Variants in HDAC4 observed in about 807,000 individuals in gnomAD.
HDAC4 encodes histone deacetylase A.
Under a neutral mutation model 135.1 loss-of-function variants are expected in HDAC4, and 16 were observed. The observed-to-expected ratio is 0.12, with a 90% confidence interval of 0.08 to 0.18. The LOEUF (loss-of-function observed/expected upper bound fraction) is 0.18, where lower values mean the gene tolerates loss of function less well. HDAC4 is among the 10% of genes least tolerant of loss of function. The pLI is 1.00. For missense variants in HDAC4, 1,143 were observed against 1,511.8 expected, an observed-to-expected ratio of 0.76 and a Z score of 4.05; for synonymous variants, 685 against 653.4, an observed-to-expected ratio of 1.05 and a Z score of -0.74.
Position 239,054,828 on chromosome 2 carries a change from A to G in HDAC4, c.3009T>C (p.Asp1003=), listed in dbSNP as rs1201937186. ...GCTGTAAAACCTTTTCTGGGAGAGG[A>G]TCAAGCTGGAAGAAAATGCATAAGA... ...CVSALLGNEL[D]PLPEKVLQQR... Residue 1003 remains aspartate (D), a synonymous_variant, in exon 25 of 27, where the codon GAT becomes GAC. Coordinates refer to ENST00000543185, the MANE Select transcript of HDAC4 (RefSeq NM_001378414.1). The G allele has an allele frequency of 6.2e-7, 1 of 1,607,438 alleles. No homozygotes were observed. Among genetic ancestry groups the G allele is most frequent in the African/African-American group, 1.3e-5 (1 of 74,760 alleles).
At chr2:239,188,454 C>T (rs1212408950) in intron 4 of HDAC4, among the ~76,000 whole-genome samples, 1 of 152,226 alleles carries the variant, frequency 6.6e-6, no homozygotes, top group Non-Finnish European at 1.5e-5. Context: ...TAGGTGGGCA[C>T]ACTAATATCT....
intron 2 of HDAC4, among the ~76,000 whole-genome samples, chr2:239,325,450 C>A (rs1354105727): frequency 6.6e-6 from 1 of 152,120 alleles, no homozygotes; most frequent in Non-Finnish European, 1.5e-5. Flanking sequence ...TGCCAACGGC[C>A]AATAGGTACA....
chr2:239,091,937 G>C (rs1424205653), intron 17 of HDAC4: 2 of 152,182 alleles, frequency 1.3e-5, no homozygotes, highest in African/African-American at 2.4e-5. Context: ...CAGGTGCCGT[G>C]GTGGGCGCCT....
chr2:239,151,480 C>T lies in HDAC4; in HGVS notation c.733+5172G>A, dbSNP rs547488281. Among the ~76,000 whole-genome samples, 189 of 152,064 alleles carry T rather than the reference C, an allele frequency of 1.2e-3. 2 individuals carry two copies. The highest frequency in any genetic ancestry group is 4.1e-3 in the African/African-American group (171 of 41,310). On this transcript the variant is annotated intron_variant, in intron 7 of 26. Transcript: ENST00000543185. The stretch of plus-strand genomic sequence containing the variant: ...TGGATGGATGTTTCCCATGGGCAGC[C>T]GTGACCTTGAGTGACTGGTTTCAGA...
At chr2:239,161,793 C>A (rs1271377181) in intron 6 of HDAC4, 1 of 425,196 alleles carries the variant, frequency 2.4e-6, no homozygotes, top group Non-Finnish European at 4.7e-6. Flanking sequence ...AGTCAGTCCT[C>A]CCAGCCCCAG....
intron 1 of HDAC4, among the ~76,000 whole-genome samples, chr2:239,369,962 C>T (rs754482677): frequency 3.3e-5 from 5 of 152,196 alleles, no homozygotes; most frequent in Non-Finnish European, 7.3e-5. Flanking sequence ...ATCATAGGAC[C>T]GCCACATCCT....
At position 239,176,491 on chromosome 2, in the gene HDAC4, G is replaced by A. The variant is rs745953691; in HGVS notation, c.412C>T (p.Arg138Cys). 16 of 1,613,302 alleles carry A rather than the reference G, an allele frequency of 9.9e-6. No homozygotes were observed. The highest frequency in any genetic ancestry group is 1.6e-4 in the Middle Eastern group (1 of 6,074). The change falls in exon 5 of 27, where the codon CGC becomes TGC. Residue 138 changes from arginine to cysteine, a missense_variant. Arg to Cys is a radical substitution (Grantham distance 180, BLOSUM62 -3). Coordinates refer to ENST00000543185, the MANE Select transcript of HDAC4 (RefSeq NM_001378414.1). Reference protein sequence around the residue: ...LEHQRKLERHRQEQELEKQHR... With the variant: ...LEHQRKLERHCQEQELEKQHR... ...TGCTTCTCCAGCTCCTGCTCCTGGC[G>A]GTGCCTCTCCAGCTTCCGCTGGTGT...
intron 5 of HDAC4, among the ~76,000 whole-genome samples, chr2:239,168,650 G>A (rs943530570): frequency 1.3e-5 from 2 of 152,154 alleles, no homozygotes; most frequent in African/African-American, 2.4e-5. Context: ...CCCCGCGCCG[G>A]CCCGCCACTG....
chr2:239,380,334 T>G (rs1695328195), intron 1 of HDAC4, among the ~76,000 whole-genome samples: 1 of 83,878 alleles, frequency 1.2e-5, no homozygotes, highest in Non-Finnish European at 2.6e-5. Context: ...ACATTTACAT[T>G]AAATTATACA....
At chr2:239,060,356 G>T (rs1228178390) in intron 24 of HDAC4, among the ~76,000 whole-genome samples, 2 of 152,208 alleles carry the variant, frequency 1.3e-5, no homozygotes, top group Admixed American at 6.5e-5. Flanking sequence ...TCACACCACC[G>T]CTCTCTCCTT....
rs1227610996 is a variant in HDAC4 at position 239,282,895 on chromosome 2, A to G, written c.23-46231T>C. On this transcript the variant is annotated intron_variant, in intron 2 of 26. Coordinates refer to ENST00000543185, the MANE Select transcript of HDAC4 (RefSeq NM_001378414.1). ...CTCTCCATGTACATACCACTCTACA[A>G]TGAACACACCACTCTACACACAATG... Among the ~76,000 whole-genome samples the G allele has an allele frequency of 2.0e-5, 3 of 149,994 alleles. No individual in the cohort carries two copies. The East Asian group carries it at 6.0e-4, about 30-fold the overall frequency.
chr2:239,180,231 A>G (rs1010844919), intron 4 of HDAC4, among the ~76,000 whole-genome samples: 5 of 152,088 alleles, frequency 3.3e-5, no homozygotes, highest in African/African-American at 1.2e-4. Context: ...GGCACCCAGC[A>G]CACACACCTT....
At position 239,198,215 on chromosome 2, in the gene HDAC4, GCCTGGTTGCC is replaced by G. The variant is rs376295523; in HGVS notation, c.95-8148_95-8139del. ...TCCCTGCAAAAGCCTCCCCTCAGGT[GCCTGGTTGCC>G]CCTGGTTATGTGTTGCCGAGTGTGA... On this transcript the variant is annotated intron_variant, in intron 3 of 26. Transcript: ENST00000543185. Among the ~76,000 whole-genome samples, 628 of 152,296 alleles carry G rather than the reference GCCTGGTTGCC, an allele frequency of 4.1e-3. 4 individuals carry two copies. The highest frequency in any genetic ancestry group is 0.015 in the African/African-American group (612 of 41,550).
chr2:239,335,508 CAA>C (rs61007856), intron 2 of HDAC4, among the ~76,000 whole-genome samples: 2,785 of 59,418 alleles, frequency 0.047, 42 homozygotes, highest in African/African-American at 0.12. Context: ...ATCTGTTCAG[CAA>C]AAAAAAAAAA....
intron 7 of HDAC4, among the ~76,000 whole-genome samples, chr2:239,148,005 G>A (rs992045987): frequency 3.9e-5 from 6 of 152,232 alleles, no homozygotes; most frequent in African/African-American, 1.4e-4. Flanking sequence ...GTTTACAGAG[G>A]GGACAGGCGT....
At chr2:239,233,628 G>A (rs2047724348) in intron 3 of HDAC4, among the ~76,000 whole-genome samples, 1 of 152,190 alleles carries the variant, frequency 6.6e-6, no homozygotes. Flanking sequence ...CTTTTCTGTT[G>A]GAAGTGGGAA....
Position 239,175,864 on chromosome 2 carries a change from A to G in HDAC4, c.490+549T>C, listed in dbSNP as rs77926351. On this transcript the variant is annotated intron_variant, in intron 5 of 26. Transcript: ENST00000543185. ...TAAATCAAACCAAAAGTCGGGCTGA[A>G]TGCCCCTTGCTTTGATGTTAATATT... Among the ~76,000 whole-genome samples the G allele has an allele frequency of 9.3e-3, 1,421 of 152,344 alleles. 27 individuals carry two copies. The highest frequency in any genetic ancestry group is 0.032 in the African/African-American group (1,330 of 41,576).
intron 2 of HDAC4, among the ~76,000 whole-genome samples, chr2:239,239,806 T>C (rs878900301): frequency 1.3e-5 from 2 of 152,150 alleles, no homozygotes; most frequent in Admixed American, 6.5e-5. Context: ...ACTGGGTTAA[T>C]AGGAAGTGCC....
chr2:239,315,451 G>A (rs900300860), intron 2 of HDAC4, among the ~76,000 whole-genome samples: 5 of 152,296 alleles, frequency 3.3e-5, no homozygotes, highest in African/African-American at 9.6e-5. Flanking sequence ...GGGCAATGCC[G>A]ATGCACGAGC....
Sources: allele counts gnomAD v4.1 joint callset (sites outside exome capture counted in the v4.1 genomes callset), GRCh38; gene constraint gnomAD v4.1.1; transcripts MANE v1.5; gene names NCBI Gene and HGNC (gene_info 2026-07-23, HGNC 2026-07-21).